Variants in SFMBT1 observed in about 807,000 individuals in gnomAD.
SFMBT1 encodes Scm like with four mbt domains 1.
A neutral mutation model predicts 108.7 loss-of-function variants in SFMBT1; 32 were observed. The ratio of observed to expected loss-of-function variants is 0.29; its 90% CI spans 0.22 to 0.40. The LOEUF (loss-of-function observed/expected upper bound fraction) is 0.40. Among genes scored for constraint, SFMBT1 ranks in the 10% least tolerant of loss-of-function variants. The pLI is 1.00. For synonymous variants in SFMBT1, 348 were observed against 369.5 expected, an observed-to-expected ratio of 0.94 and a Z score of 0.67; for missense variants, 816 against 1,059.6, an observed-to-expected ratio of 0.77 and a Z score of 3.19.
chr3:53,038,308 A>G (rs1699929264), intron 1 of SFMBT1, among the ~76,000 whole-genome samples: 1 of 152,170 alleles, frequency 6.6e-6, no homozygotes, highest in South Asian at 2.1e-4. Flanking sequence ...TGCCAAAGAA[A>G]CTGATACTTT....
chr3:52,947,079 C>T (rs1703393627), intron 3 of SFMBT1, among the ~76,000 whole-genome samples: 1 of 147,530 alleles, frequency 6.8e-6, no homozygotes, highest in South Asian at 2.2e-4. Flanking sequence ...GCTCCTTTTG[C>T]TCCACTCTAA....
rs539980526 is a variant in SFMBT1 at position 52,930,848 on chromosome 3, G to A, written c.795+93C>T. The A allele has an allele frequency of 3.5e-5, 34 of 958,770 alleles. No homozygotes were observed. In the East Asian group the frequency reaches 5.5e-4, roughly 16 times the overall value. The allele number at this position is 958,770 out of a possible 1,614,324, so 59.4% of individuals were successfully genotyped here. On this transcript the variant is annotated intron_variant, in intron 7 of 20. Transcript: ENST00000394752. ...CTTCAGAGACCATGGCATTCTTACC[G>A]ACTGCAGGGGCTGCTTTACACTTTC...
At chr3:52,968,963 G>C in intron 2 of SFMBT1, 138 bp downstream of exon 2, 2 of 929,974 alleles carry the variant, frequency 2.2e-6, no homozygotes, top group South Asian at 3.0e-5. Context: ...TCTCTGAGAG[G>C]TACAGAAGAT....
At chr3:52,986,731 G>A (rs995512182) in intron 1 of SFMBT1, among the ~76,000 whole-genome samples, 26 of 142,058 alleles carry the variant, frequency 1.8e-4, no homozygotes, top group African/African-American at 6.3e-4. Flanking sequence ...AACCGAGATC[G>A]CGCCACTGCA....
intron 2 of SFMBT1, among the ~76,000 whole-genome samples, chr3:52,965,325 TA>T (rs11399843): frequency 3.5e-5 from 5 of 143,624 alleles, no homozygotes; most frequent in African/African-American, 2.6e-5. Flanking sequence ...GAGAAAACAT[TA>T]AAAAAAAAAA....
At chr3:53,040,371 A>G (rs538408173) in intron 1 of SFMBT1, among the ~76,000 whole-genome samples, 1 of 152,202 alleles carries the variant, frequency 6.6e-6, no homozygotes, top group East Asian at 1.9e-4. Context: ...AGTAATTGCT[A>G]AATTTCTCAT....
chr3:52,967,484 G>C (rs1704186061), intron 2 of SFMBT1, among the ~76,000 whole-genome samples: 1 of 152,130 alleles, frequency 6.6e-6, no homozygotes, highest in Admixed American at 6.5e-5. Context: ...AGCAGTGATG[G>C]TTGGAAAACT....
intron 1 of SFMBT1, among the ~76,000 whole-genome samples, chr3:52,982,999 G>A (rs938667968): frequency 2.6e-5 from 4 of 152,148 alleles, no homozygotes; most frequent in African/African-American, 7.2e-5. Context: ...AGTGGAAGAG[G>A]AGTTGATACC....
chr3:52,980,171 T>C (rs920210700), intron 1 of SFMBT1, among the ~76,000 whole-genome samples: 1 of 152,186 alleles, frequency 6.6e-6, no homozygotes, highest in Non-Finnish European at 1.5e-5. Context: ...GTACATGGTG[T>C]CATTCCCAGT....
At chr3:52,943,119 G>C (rs1026787710) in intron 4 of SFMBT1, among the ~76,000 whole-genome samples, 8 of 152,216 alleles carry the variant, frequency 5.3e-5, no homozygotes, top group African/African-American at 1.9e-4. Flanking sequence ...ATGATATGCA[G>C]CTAGTGTTCC....
chr3:52,925,406 C>A (rs1444198761), intron 10 of SFMBT1, among the ~76,000 whole-genome samples: 1 of 152,164 alleles, frequency 6.6e-6, no homozygotes, highest in African/African-American at 2.4e-5. Flanking sequence ...TTAGAACCAA[C>A]AGACTCAGCA....
intron 3 of SFMBT1, among the ~76,000 whole-genome samples, chr3:52,948,627 A>AATT (rs71087037): frequency 0.08 from 11,940 of 148,572 alleles, 540 homozygotes; most frequent in Non-Finnish European, 0.1. Context: ...GTTGCCTTAC[A>AATT]ATTATTATTA....
Position 52,945,136 on chromosome 3 carries a change from T to TGAAAAAAAAAAAAAA in SFMBT1, c.124-1544_124-1543insTTTTTTTTTTTTTTC, listed in dbSNP as rs1553636664. On this transcript the variant is annotated intron_variant, in intron 3 of 20. Coordinates refer to ENST00000394752, the MANE Select transcript of SFMBT1 (RefSeq NM_016329.4). ...TGATTTCCAAATACCACCTTCCAATTAAAAAAAAAAAAAAACAAGGACTTC... is the reference window on the plus strand; with the variant it reads ...TGATTTCCAAATACCACCTTCCAATTGAAAAAAAAAAAAAAAAAAAAAAAAAAAAACAAGGACTTC... 4.0e-3 allele frequency among the ~76,000 whole-genome samples: 193 copies of TGAAAAAAAAAAAAAA among 48,518 alleles called. 42 individuals carry two copies. In the South Asian group the frequency reaches 0.23, roughly 58 times the overall value. 31.8% of individuals were successfully genotyped at this position (48,518 alleles called of 152,430 possible). A position where few individuals can be genotyped will look rare whatever the true frequency, so the allele number is the denominator to read the frequency against.
chr3:53,019,487 T>A (rs1021520408), intron 1 of SFMBT1, among the ~76,000 whole-genome samples: 21 of 152,098 alleles, frequency 1.4e-4, no homozygotes, highest in African/African-American at 5.1e-4. Flanking sequence ...TAATGTTACA[T>A]GGGCAACCAA....
At chr3:53,022,059 T>C (rs1196667750) in intron 1 of SFMBT1, among the ~76,000 whole-genome samples, 1 of 151,984 alleles carries the variant, frequency 6.6e-6, no homozygotes, top group Non-Finnish European at 1.5e-5. Context: ...AAATAAAAAG[T>C]GGTTAAGAGG....
intron 2 of SFMBT1, among the ~76,000 whole-genome samples, chr3:52,956,710 G>C (rs992382696): frequency 6.6e-6 from 1 of 152,112 alleles, no homozygotes; most frequent in African/African-American, 2.4e-5. Flanking sequence ...GCCGTGAGCC[G>C]AGGTTGCGCC....
intron 2 of SFMBT1, among the ~76,000 whole-genome samples, chr3:52,964,027 TG>T (rs1704051338): frequency 6.6e-6 from 1 of 152,198 alleles, no homozygotes. Flanking sequence ...TTGTTTGTTT[TG>T]TTTTTTTGAG....
intron 2 of SFMBT1, among the ~76,000 whole-genome samples, chr3:52,962,844 TGA>T (rs1704009855): frequency 6.8e-6 from 1 of 146,606 alleles, no homozygotes; most frequent in East Asian, 2.0e-4. Context: ...GATGTGAGTA[TGA>T]GGATATATGT....
At chr3:52,972,744 AACACACACACACACACACACACACAC>A (rs55859723) in intron 1 of SFMBT1, among the ~76,000 whole-genome samples, 6 of 95,092 alleles carry the variant, frequency 6.3e-5, no homozygotes, top group East Asian at 3.2e-4. Flanking sequence ...ATCTCTACTA[AACACACACACACACACACACACACAC>A]ACACACACAC....
Sources: gnomAD v4.1 joint callset for allele counts (sites outside exome capture counted in the v4.1 genomes callset) on GRCh38, gnomAD v4.1.1 for gene constraint, MANE v1.5 for transcripts, NCBI Gene and HGNC (gene_info 2026-07-23, HGNC 2026-07-21) for gene names.